Variants in CD8A observed in about 807,000 individuals in gnomAD.
The protein encoded by CD8A is T-cell surface glycoprotein CD8 alpha chain.
A neutral mutation model predicts 24.2 loss-of-function variants in CD8A; 25 were observed. The ratio of observed to expected loss-of-function variants is 1.03; its 90% CI spans 0.75 to 1.44. CD8A has a LOEUF of 1.44. Among genes scored for constraint, CD8A ranks in the 40% most tolerant of loss-of-function variants. The probability of loss-of-function intolerance (pLI) is 0.00; values close to 1 mark genes in which losing one functional copy is unlikely to be tolerated. For missense variants in CD8A, 360 were observed against 319.7 expected, an observed-to-expected ratio of 1.13 and a Z score of -0.96; for synonymous variants, 165 against 149.9, an observed-to-expected ratio of 1.10 and a Z score of -0.74.
Position 86,789,666 on chromosome 2 carries a change from G to A in CD8A, c.488C>T (p.Ala163Val). ...ASQPLSLRPE[A>V]CRPAAGGAVH... The stretch of plus-strand genomic sequence containing the variant: ...TGCGCCCCCCGCCGCTGGCCGGCAC[G>A]CCTCTGGGCGCAGGGACAGGGGCTG... Residue 163 changes from alanine (A) to valine (V), a missense_variant, in exon 3 of 6, where the codon GCG (alanine) becomes GTG (valine). Physicochemically the swap from Ala to Val is moderately conservative, Grantham distance 64. Transcript: ENST00000283635. The A allele has an allele frequency of 6.8e-7, 1 of 1,463,690 alleles. No homozygotes were observed. Among genetic ancestry groups the A allele is most frequent in the Non-Finnish European group, 9.0e-7 (1 of 1,113,922 alleles). The allele number at this position is 1,463,690 out of a possible 1,614,324, so 90.7% of individuals were successfully genotyped here.
upstream of CD8A, among the ~76,000 whole-genome samples, chr2:86,793,814 C>T (rs754403694): frequency 1.2e-4 from 18 of 152,276 alleles, no homozygotes; most frequent in African/African-American, 1.9e-4. Context: ...CTTAGTCTCA[C>T]GGAAATCAGC....
upstream of CD8A, among the ~76,000 whole-genome samples, chr2:86,794,707 C>A (rs1673424594): frequency 6.6e-6 from 1 of 152,154 alleles, no homozygotes; most frequent in Non-Finnish European, 1.5e-5. Flanking sequence ...ATCATGCCAA[C>A]CCCCTGCTTC....
At chr2:86,806,651 G>C (rs757764945) in intron 2 of CD8A, among the ~76,000 whole-genome samples, 2 of 152,196 alleles carry the variant, frequency 1.3e-5, no homozygotes, top group Non-Finnish European at 2.9e-5. Flanking sequence ...GAGGCCGTGA[G>C]GGGAGCATCA....
intron 2 of CD8A, among the ~76,000 whole-genome samples, chr2:86,804,206 A>C (rs988607403): frequency 1.3e-5 from 2 of 152,206 alleles, no homozygotes; most frequent in African/African-American, 4.8e-5. Context: ...TATTTAAACA[A>C]ACAAAATGTG....
At position 86,785,969 on chromosome 2, in the gene CD8A, G is replaced by A; in HGVS notation, c.659C>T (p.Pro220Leu). 6 of 1,613,666 alleles carry A rather than the reference G, an allele frequency of 3.7e-6. No individual in the cohort carries two copies. The highest frequency in any genetic ancestry group is 5.1e-6 in the Non-Finnish European group (6 of 1,179,540). Residue 220 changes from proline (P) to leucine (L), a missense_variant and splice_region_variant, in exon 6 of 6, where the codon CCT becomes CTT. Pro to Leu is a moderately conservative substitution (Grantham distance 98, BLOSUM62 -3). Transcript: ENST00000283635. ...GGGCTTGTCTCCCGATTTGACCACA[G>A]GCCTGAAAGAGAGGAAAGCGACCAT... The part of the protein sequence containing the change: ...NRRRVCKCPR[P>L]VVKSGDKPSL...
chr2:86,800,612 G>A (rs2104458121), intron 3 of CD8A, among the ~76,000 whole-genome samples: 1 of 152,252 alleles, frequency 6.6e-6, no homozygotes, highest in Non-Finnish European at 1.5e-5. Flanking sequence ...TGATGTCATT[G>A]ATGGCTACTT....
upstream of CD8A, among the ~76,000 whole-genome samples, chr2:86,792,593 C>G (rs551254656): frequency 6.6e-6 from 1 of 152,000 alleles, no homozygotes; most frequent in East Asian, 1.9e-4. Flanking sequence ...CTCCCAGGCT[C>G]AAGTGATCCT....
At chr2:86,802,586 A>G (rs754655561) in intron 2 of CD8A, among the ~76,000 whole-genome samples, 27 of 152,056 alleles carry the variant, frequency 1.8e-4, no homozygotes, top group Admixed American at 2.6e-4. Flanking sequence ...AGTAGAATAG[A>G]ATTCATAAGT....
intron 3 of CD8A, among the ~76,000 whole-genome samples, chr2:86,800,004 TTGCC>T (rs1673614727): frequency 6.6e-6 from 1 of 152,082 alleles, no homozygotes; most frequent in Non-Finnish European, 1.5e-5. Context: ...AAGACCAGCT[TTGCC>T]AATGAGGTTA....
intron 4 of CD8A, 137 bp downstream of exon 4, chr2:86,789,186 C>T: frequency 1.4e-6 from 1 of 725,378 alleles, no homozygotes; most frequent in Non-Finnish European, 2.6e-6. Context: ...GAAAGAAGTG[C>T]CTGTACCTGC....
At chr2:86,803,137 A>G (rs2104462349) in intron 2 of CD8A, among the ~76,000 whole-genome samples, 1 of 152,346 alleles carries the variant, frequency 6.6e-6, no homozygotes, top group South Asian at 2.1e-4. Context: ...TCAAGTTAAA[A>G]GTGAGTAAAG....
At chr2:86,795,778 A>C (rs1673462536), upstream of CD8A, among the ~76,000 whole-genome samples, 1 of 152,200 alleles carries the variant, frequency 6.6e-6, no homozygotes, top group African/African-American at 2.4e-5. Flanking sequence ...TGTAAGGCCT[A>C]GTTCTGACTG....
At chr2:86,802,281 G>T (rs1489601404) in intron 2 of CD8A, among the ~76,000 whole-genome samples, 1 of 152,114 alleles carries the variant, frequency 6.6e-6, no homozygotes, top group East Asian at 1.9e-4. Context: ...CTAGTAATCT[G>T]CCTGCCTCGG....
chr2:86,790,018 C>A (rs1253307614), intron 2 of CD8A, among the ~76,000 whole-genome samples: 3 of 152,204 alleles, frequency 2.0e-5, no homozygotes, highest in Admixed American at 2.0e-4. Context: ...AACCAGCAAC[C>A]CTGGAGCGCG....
In CD8A at chr2:86,790,530, G is replaced by T. The variant is rs1478539685; in HGVS notation, c.201C>A (p.Pro67=). Residue 67 remains proline, a synonymous_variant, in exon 2 of 6, where the codon CCC becomes CCA. Transcript: ENST00000283635. ...TTTGGGAGAGGTATAGGAGGAAGGT[G>T]GGACTGGCGGCGGCGCCGCGCGGCT... The part of the protein sequence containing the change: ...LFQPRGAAAS[P]TFLLYLSQNK... 3 of 1,613,836 alleles carry T rather than the reference G, an allele frequency of 1.9e-6. No individual in the cohort carries two copies. The highest frequency in any genetic ancestry group is 2.5e-6 in the Non-Finnish European group (3 of 1,179,984).
At position 86,789,705 on chromosome 2, in the gene CD8A, G is replaced by A. The variant is rs890590451; in HGVS notation, c.449C>T (p.Pro150Leu). ...TPAPRPPTPA[P>L]TIASQPLSLR... ...GGACAGGGGCTGCGACGCGATGGTG[G>A]GCGCCGGTGTTGGTGGTCGCGGCGC... Residue 150 changes from proline (P) to leucine (L), a missense_variant, in exon 3 of 6, where the codon CCC becomes CTC. By Grantham distance (98) the Pro-to-Leu change is moderately conservative. Coordinates refer to ENST00000283635, the MANE Select transcript of CD8A (RefSeq NM_001768.7). 2.3e-5 allele frequency: 32 copies of A among 1,393,798 alleles called. No individual in the cohort carries two copies. Among genetic ancestry groups the A allele is most frequent in the Non-Finnish European group, 2.8e-5 (30 of 1,081,274 alleles). 86.3% of individuals were successfully genotyped at this position (1,393,798 alleles called of 1,614,324 possible). A position where few individuals can be genotyped will look rare whatever the true frequency, so the allele number is the denominator to read the frequency against.
intron 3 of CD8A, among the ~76,000 whole-genome samples, chr2:86,796,475 G>A (rs1330026062): frequency 1.3e-5 from 2 of 152,150 alleles, no homozygotes; most frequent in Non-Finnish European, 1.5e-5. Flanking sequence ...AATATAATTG[G>A]GAGAATCCTT....
chr2:86,793,665 G>T (rs1042016371), upstream of CD8A, among the ~76,000 whole-genome samples: 2 of 152,244 alleles, frequency 1.3e-5, no homozygotes, highest in African/African-American at 4.8e-5. Context: ...GGCTAGACAC[G>T]AAACTGCACT....
chr2:86,785,109 C>CCTGT lies in CD8A; in HGVS notation c.*807_*810dup, dbSNP rs1672939916. On this transcript the variant is annotated 3_prime_UTR_variant, in exon 6 of 6. Coordinates refer to ENST00000283635, the MANE Select transcript of CD8A (RefSeq NM_001768.7). ...TCAAATTCTATTTGTAAAGGGGTAG[C>CCTGT]CTGTCCTCTTTCATGGGCCCCTCTG... The CCTGT allele has an allele frequency of 2.2e-6, 1 of 453,928 alleles. No homozygotes were observed. Among genetic ancestry groups the CCTGT allele is most frequent in the African/African-American group, 2.0e-5 (1 of 49,968 alleles). 28.1% of individuals were successfully genotyped at this position (453,928 alleles called of 1,614,324 possible).
Sources: gnomAD v4.1 joint callset for allele counts (sites outside exome capture counted in the v4.1 genomes callset) on GRCh38, gnomAD v4.1.1 for gene constraint, MANE v1.5 for transcripts, NCBI Gene and HGNC (gene_info 2026-07-23, HGNC 2026-07-21) for gene names.